The following LIN9 variants were observed in gnomAD, a reference collection of about 807,000 sequenced individuals.
LIN9 encodes protein lin-9 homolog.
In LIN9, 18 loss-of-function variants were observed where a neutral mutation model predicts 78.0. That is an observed-to-expected ratio of 0.23 (90% CI 0.16 to 0.34). The LOEUF is 0.34. LIN9 is among the 10% of genes least tolerant of loss of function. The probability of loss-of-function intolerance (pLI) is 1.00; values close to 1 mark genes in which losing one functional copy is unlikely to be tolerated. For synonymous variants in LIN9, 192 were observed against 215.2 expected (o/e 0.89, Z 0.94); for missense variants, 451 against 644.1 (o/e 0.70, Z 3.25).
chr1:226,244,681 G>T (rs949921562), intron 11 of LIN9, among the ~76,000 whole-genome samples: 2 of 152,174 alleles, frequency 1.3e-5, no homozygotes, highest in African/African-American at 4.8e-5. Flanking sequence ...TCATGATCAA[G>T]GGTATGGATT....
At chr1:226,255,941 G>A (rs1049927789) in intron 10 of LIN9, among the ~76,000 whole-genome samples, 1 of 152,000 alleles carries the variant, frequency 6.6e-6, no homozygotes, top group African/African-American at 2.4e-5. Context: ...AGAACTATCT[G>A]AAATATAATG....
chr1:226,288,641 TA>T (rs1558196677), intron 4 of LIN9, among the ~76,000 whole-genome samples: 1 of 152,122 alleles, frequency 6.6e-6, no homozygotes, highest in Admixed American at 6.6e-5. Context: ...GGACAGGCCA[TA>T]AGAGTTTATA....
intron 10 of LIN9, among the ~76,000 whole-genome samples, chr1:226,256,976 C>T (rs542209632): frequency 5.3e-5 from 8 of 152,044 alleles, no homozygotes; most frequent in African/African-American, 1.7e-4. Context: ...TTTTCTGAGA[C>T]GGAATCTTGC....
At chr1:226,296,800 C>T (rs879748515) in intron 3 of LIN9, among the ~76,000 whole-genome samples, 2 of 151,986 alleles carry the variant, frequency 1.3e-5, no homozygotes, top group Non-Finnish European at 2.9e-5. Flanking sequence ...GCAGGAGGAT[C>T]ACTTGAGCCC....
chr1:226,235,147 A>G (rs1027188688), intron 12 of LIN9, among the ~76,000 whole-genome samples: 1 of 151,664 alleles, frequency 6.6e-6, no homozygotes, highest in African/African-American at 2.4e-5. Context: ...AGCCTGGCCA[A>G]CATGTCTCTA....
chr1:226,264,706 G>A (rs12135805), intron 10 of LIN9, among the ~76,000 whole-genome samples: 4,209 of 152,016 alleles, frequency 0.028, 87 homozygotes, highest in Non-Finnish European at 0.042. Flanking sequence ...AAAATTAGCC[G>A]GGCATAGTGG....
At chr1:226,292,255 G>C (rs1661838934) in intron 4 of LIN9, among the ~76,000 whole-genome samples, 1 of 152,026 alleles carries the variant, frequency 6.6e-6, no homozygotes, top group Non-Finnish European at 1.5e-5. Flanking sequence ...CCACCTCCCA[G>C]ATTCAAGTGA....
upstream of LIN9, chr1:226,309,378 G>A (rs1663151511): frequency 1.0e-6 from 1 of 988,260 alleles, no homozygotes; most frequent in African/African-American, 1.7e-5. Context: ...CGAGCCGGGC[G>A]GGAGGAAGGG....
At chr1:226,283,419 C>T (rs1391688828) in intron 6 of LIN9, among the ~76,000 whole-genome samples, 2 of 151,042 alleles carry the variant, frequency 1.3e-5, no homozygotes, top group African/African-American at 4.9e-5. Flanking sequence ...AGCCACCACA[C>T]CCAGCCTGAA....
intron 6 of LIN9, among the ~76,000 whole-genome samples, chr1:226,282,133 C>A (rs1661104619): frequency 1.3e-5 from 2 of 152,128 alleles, no homozygotes; most frequent in Admixed American, 6.5e-5. Context: ...GCATAGCAAT[C>A]ATTTCCATAT....
intron 10 of LIN9, among the ~76,000 whole-genome samples, chr1:226,260,494 C>A (rs926124633): frequency 2.0e-5 from 3 of 151,996 alleles, no homozygotes; most frequent in Non-Finnish European, 4.4e-5. Context: ...CAACATAGAT[C>A]CCCTGTCCAA....
At chr1:226,293,176 A>G (rs892448608) in intron 4 of LIN9, among the ~76,000 whole-genome samples, 4 of 152,254 alleles carry the variant, frequency 2.6e-5, no homozygotes, top group Admixed American at 1.3e-4. Flanking sequence ...TAGAGATTCT[A>G]CAACTAGTAA....
chr1:226,291,591 G>C (rs944838821), intron 4 of LIN9, among the ~76,000 whole-genome samples: 1 of 152,020 alleles, frequency 6.6e-6, no homozygotes, highest in African/African-American at 2.4e-5. Context: ...TATTGGAATG[G>C]TAAGTTAGGG....
At position 226,267,318 on chromosome 1, in the gene LIN9, A is replaced by ATATG. The variant is rs139272484; in HGVS notation, c.816+635_816+638dup. On this transcript the variant is annotated intron_variant, in intron 8 of 14. Transcript: ENST00000681046. ...ATGTGTGTGTATATATATTATGTAT[A>ATATG]TATGTATGTATGTATGTATGTATGT... Among the ~76,000 whole-genome samples the ATATG allele has an allele frequency of 5.5e-3, 779 of 140,886 alleles. 7 individuals carry two copies. The highest frequency in any genetic ancestry group is 0.017 in the African/African-American group (652 of 37,620). 92.4% of individuals were successfully genotyped at this position (140,886 alleles called of 152,430 possible). A position where few individuals can be genotyped will look rare whatever the true frequency, so the allele number is the denominator to read the frequency against.
rs145875220 is a variant in LIN9, at chr1:226,300,594, G to A, written c.64+579C>T. 4.2e-3 allele frequency among the ~76,000 whole-genome samples: 636 copies of A among 152,246 alleles called. 26 individuals carry two copies. The South Asian group carries it at 0.076, about 18-fold the overall frequency. ...AAATCTGCTGGGCACAGTGGCTCAC[G>A]CCTGTAATCCCAGCACTTTGGGAGG... On this transcript the variant is annotated intron_variant, in intron 2 of 14. Coordinates refer to ENST00000681046, the MANE Select transcript of LIN9 (RefSeq NM_001366245.2).
At chr1:226,262,274 T>C (rs1326671763) in intron 10 of LIN9, among the ~76,000 whole-genome samples, 2 of 152,200 alleles carry the variant, frequency 1.3e-5, no homozygotes, top group African/African-American at 4.8e-5. Context: ...AATGAAATGA[T>C]GAGCTGAACT....
At chr1:226,309,643 T>C, upstream of LIN9, 8 of 1,276,736 alleles carry the variant, frequency 6.3e-6, no homozygotes, top group Non-Finnish European at 8.2e-6. Flanking sequence ...GAAACCCACG[T>C]TGCTTGGGCG....
intron 4 of LIN9, among the ~76,000 whole-genome samples, chr1:226,289,841 G>GGT (rs1553283418): frequency 9.0e-5 from 6 of 66,594 alleles, no homozygotes; most frequent in Admixed American, 1.5e-4. Context: ...CTCCGGGGGG[G>GGT]GGGGTGGGGG....
At chr1:226,276,112 A>G (rs2102940301) in intron 7 of LIN9, among the ~76,000 whole-genome samples, 1 of 152,316 alleles carries the variant, frequency 6.6e-6, no homozygotes, top group Middle Eastern at 3.4e-3. Flanking sequence ...TGTCTAACCT[A>G]TTCTCCACTG....
Sources: gnomAD v4.1 joint callset for allele counts (sites outside exome capture counted in the v4.1 genomes callset) on GRCh38, gnomAD v4.1.1 for gene constraint, MANE v1.5 for transcripts, NCBI Gene and HGNC (gene_info 2026-07-23, HGNC 2026-07-21) for gene names.